Variants in GATA3 observed in about 807,000 individuals in gnomAD.
GATA3 encodes the protein trans-acting T-cell-specific transcription factor GATA-3.
Under a neutral mutation model 36.0 loss-of-function variants are expected in GATA3, and 6 were observed. The ratio of observed to expected loss-of-function variants is 0.17; its 90% CI spans 0.09 to 0.33. The LOEUF (loss-of-function observed/expected upper bound fraction) is 0.33. Ranked by LOEUF, GATA3 falls within the 10% of genes least tolerant of loss-of-function variation. GATA3 has a pLI of 1.00. For missense variants in GATA3, 514 were observed against 610.1 expected (o/e 0.84, Z 1.66); for synonymous variants, 326 against 273.0 (o/e 1.19, Z -1.92).
At chr10:8,056,744 A>G (rs1832646304) in intron 2 of GATA3, among the ~76,000 whole-genome samples, 1 of 152,134 alleles carries the variant, frequency 6.6e-6, no homozygotes, top group Admixed American at 6.5e-5. Context: ...CAATTCCAGT[A>G]CCACCTCTTT....
chr10:8,048,929 G>A (rs1474629496), upstream of GATA3, among the ~76,000 whole-genome samples: 2 of 151,678 alleles, frequency 1.3e-5, no homozygotes, highest in African/African-American at 2.4e-5. Flanking sequence ...ATCCCTCGAA[G>A]TGGAGGCCGG....
intron 4 of GATA3, among the ~76,000 whole-genome samples, chr10:8,065,977 AAAAAG>A (rs1307772752): frequency 6.7e-5 from 10 of 149,486 alleles, no homozygotes; most frequent in Middle Eastern, 3.5e-3. Context: ...AAAAAAAAAA[AAAAAG>A]AGAGAGAGAG....
chr10:8,046,519 C>T (rs1339896605), intron 1 of GATA3, among the ~76,000 whole-genome samples: 3 of 152,258 alleles, frequency 2.0e-5, no homozygotes, highest in Admixed American at 6.5e-5. Context: ...TTTCCAAAGC[C>T]TCCTCTGCCT....
At chr10:8,070,797 A>G (rs1832919522) in intron 5 of GATA3, among the ~76,000 whole-genome samples, 1 of 152,154 alleles carries the variant, frequency 6.6e-6, no homozygotes, top group South Asian at 2.1e-4. Context: ...TGCCTGTGCC[A>G]ACTCTCTCGC....
chr10:8,069,727 C>G lies in GATA3; in HGVS notation c.1050+129C>G. On this transcript the variant is annotated intron_variant, in intron 5 of 5. Coordinates refer to ENST00000379328, the MANE Select transcript of GATA3 (RefSeq NM_001002295.2). Reference sequence around the variant, plus strand: ...GATGACAGGTTCCAAATAATTGATGCAATAGGACCTAGCTTGGAAAACTAC... The same window carrying G: ...GATGACAGGTTCCAAATAATTGATGGAATAGGACCTAGCTTGGAAAACTAC... 1.1e-5 allele frequency: 12 copies of G among 1,132,598 alleles called. 1 individual carries two copies. In the South Asian group the frequency reaches 1.6e-4, roughly 15 times the overall value. The allele number at this position is 1,132,598 out of a possible 1,614,324, so 70.2% of individuals were successfully genotyped here.
Position 8,055,209 on chromosome 10 carries a change from G to A in GATA3, c.-369-78G>A, listed in dbSNP as rs953019356. The A allele has an allele frequency of 5.2e-5, 14 of 268,770 alleles. No individual in the cohort carries two copies. Among genetic ancestry groups the A allele is most frequent in the African/African-American group, 2.5e-4 (11 of 44,606 alleles). The allele number at this position is 268,770 out of a possible 1,614,324, so 16.6% of individuals were successfully genotyped here. On this transcript the variant is annotated intron_variant, in intron 1 of 5. Transcript: ENST00000379328. The surrounding 1 kb of genome is among the most constrained non-coding windows in gnomAD (Gnocchi z 5.4). Reference sequence around the variant, plus strand: ...GTGCGGGTCTCGGGTGCGCTGGGCGGGCGGGCGGCGCGAGGGGAGGTTGTG... The same window carrying A: ...GTGCGGGTCTCGGGTGCGCTGGGCGAGCGGGCGGCGCGAGGGGAGGTTGTG...
At position 8,075,122 on chromosome 10, in the gene GATA3, A is replaced by T. The variant is rs1402494133; in HGVS notation, c.*1099A>T. On this transcript the variant is annotated 3_prime_UTR_variant, in exon 6 of 6. Transcript: ENST00000379328. ...TCTTCGCCCTGTCGTGTTCTGTGTT[A>T]GTGATCACTGCCTTTAATACAGTCT... 4.3e-6 allele frequency: 1 copy of T among 232,604 alleles called. No homozygotes were observed. Among genetic ancestry groups the T allele is most frequent in the Non-Finnish European group, 8.5e-6 (1 of 117,704 alleles). The allele number at this position is 232,604 out of a possible 1,614,324, so 14.4% of individuals were successfully genotyped here. A position where few individuals can be genotyped will look rare whatever the true frequency, so the allele number is the denominator to read the frequency against.
upstream of GATA3, chr10:8,051,055 A>G (rs140379849): frequency 2.1e-3 from 1,096 of 526,120 alleles, 11 homozygotes; most frequent in African/African-American, 0.019. Flanking sequence ...GCTGAGCCCC[A>G]GAAAGCCGCG....
chr10:8,055,978 G>A lies in GATA3; in HGVS notation c.241+82G>A, dbSNP rs762338199. On this transcript the variant is annotated intron_variant, in intron 2 of 5. Transcript: ENST00000379328. This position sits in a 1 kb window ranked among gnomAD's most constrained non-coding sequence, Gnocchi z 5.4. ...GGGAGGTCGGGAGGGACCTGAGGGCGGGGAGAGGTCAAGCGAAAGCCCCCA... is the reference window on the plus strand; with the variant it reads ...GGGAGGTCGGGAGGGACCTGAGGGCAGGGAGAGGTCAAGCGAAAGCCCCCA... 67 of 1,527,414 alleles carry A rather than the reference G, an allele frequency of 4.4e-5. No homozygotes were observed. The highest frequency in any genetic ancestry group is 3.7e-4 in the Middle Eastern group (2 of 5,368). 94.6% of individuals were successfully genotyped at this position (1,527,414 alleles called of 1,614,324 possible).
chr10:8,064,154 G>C lies in GATA3; in HGVS notation c.924+16G>C. The C allele has an allele frequency of 1.9e-6, 3 of 1,614,152 alleles. No homozygotes were observed. Among genetic ancestry groups the C allele is most frequent in the Non-Finnish European group, 1.7e-6 (2 of 1,180,024 alleles). On this transcript the variant is annotated intron_variant, in intron 4 of 5. Transcript: ENST00000379328. ...GCGAAGGCTGGTAAGTTCTCGGGAA[G>C]GGATGGATTCCATGCTGACCATTCT...
At chr10:8,053,730 A>T (rs982106915), upstream of GATA3, 2 of 152,346 alleles carry the variant, frequency 1.3e-5, no homozygotes, top group African/African-American at 2.4e-5. This position sits in a 1 kb window ranked among gnomAD's most constrained non-coding sequence, Gnocchi z 5.1. Context: ...GGGTCGGTGC[A>T]GACCGAGGGC....
At chr10:8,067,362 G>C (rs759289204) in intron 4 of GATA3, among the ~76,000 whole-genome samples, 10 of 152,118 alleles carry the variant, frequency 6.6e-5, no homozygotes, top group Non-Finnish European at 1.0e-4. Flanking sequence ...TATATACTCT[G>C]TTATTTACAT....
chr10:8,069,780 G>T (rs779579579), intron 5 of GATA3, among the ~76,000 whole-genome samples, 182 bp downstream of exon 5: 1 of 152,130 alleles, frequency 6.6e-6, no homozygotes, highest in Non-Finnish European at 1.5e-5. Context: ...TGCTGAGGCC[G>T]AGGGGGCTCA....
At chr10:8,061,267 T>G (rs1832744340) in intron 3 of GATA3, among the ~76,000 whole-genome samples, 1 of 151,904 alleles carries the variant, frequency 6.6e-6, no homozygotes, top group East Asian at 1.9e-4. Flanking sequence ...AAAGACAGAG[T>G]CTTTGTGTCC....
upstream of GATA3, chr10:8,051,344 C>T: frequency 4.1e-6 from 1 of 244,242 alleles, no homozygotes; most frequent in Non-Finnish European, 8.9e-6. Context: ...CCGGCTGCTG[C>T]CGACCCGCAC....
upstream of GATA3, chr10:8,051,446 G>A (rs1337495196): frequency 5.2e-6 from 1 of 191,626 alleles, no homozygotes; most frequent in African/African-American, 2.4e-5. Context: ...CAGGCGTCCA[G>A]GTTGATCGCC....
At chr10:8,068,791 A>G (rs1312461562) in intron 4 of GATA3, among the ~76,000 whole-genome samples, 1 of 152,232 alleles carries the variant, frequency 6.6e-6, no homozygotes, top group African/African-American at 2.4e-5. Flanking sequence ...GTATAAATTT[A>G]GGAGGTCTTG....
At chr10:8,049,261 T>C (rs1165892735), upstream of GATA3, among the ~76,000 whole-genome samples, 1 of 152,168 alleles carries the variant, frequency 6.6e-6, no homozygotes, top group African/African-American at 2.4e-5. Context: ...AGTTGCCCCT[T>C]GGACGCACCC....
chr10:8,048,622 C>T (rs1832420843), upstream of GATA3, among the ~76,000 whole-genome samples: 1 of 152,156 alleles, frequency 6.6e-6, no homozygotes, highest in African/African-American at 2.4e-5. Context: ...GTCCCCCCAC[C>T]TGCCAAGGCC....
Sources: allele counts gnomAD v4.1 joint callset (sites outside exome capture counted in the v4.1 genomes callset), GRCh38; gene constraint gnomAD v4.1.1; non-coding constraint Gnocchi (gnomAD v3.1); transcripts MANE v1.5; gene names NCBI Gene and HGNC (gene_info 2026-07-23, HGNC 2026-07-21).